Variants in ADAMTSL1 observed in about 807,000 individuals in gnomAD.
ADAMTSL1 encodes ADAMTS-like protein 1.
A neutral mutation model predicts 201.8 loss-of-function variants in ADAMTSL1; 126 were observed. The observed-to-expected ratio is 0.62, with a 90% CI of 0.54 to 0.72. ADAMTSL1 has a LOEUF of 0.72. Among genes scored for constraint, ADAMTSL1 ranks in the 30% least tolerant of loss-of-function variants. The probability of loss-of-function intolerance (pLI) is 0.00; values close to 1 mark genes in which losing one functional copy is unlikely to be tolerated. For synonymous variants in ADAMTSL1, 1,121 were observed against 903.4 expected, an observed-to-expected ratio of 1.24 and a Z score of -4.32; for missense variants, 2,679 against 2,277.8, an observed-to-expected ratio of 1.18 and a Z score of -3.59.
chr9:18,149,713 A>T (rs144405267), intron 1 of ADAMTSL1, among the ~76,000 whole-genome samples: 2,130 of 152,160 alleles, frequency 0.014, 49 homozygotes, highest in African/African-American at 0.049. Context: ...ACTGTTTTTT[A>T]GAAAGCTCAC....
intron 23 of ADAMTSL1, among the ~76,000 whole-genome samples, chr9:18,849,295 C>T (rs951668974): frequency 2.6e-5 from 4 of 152,160 alleles, no homozygotes; most frequent in Non-Finnish European, 5.9e-5. Context: ...GTCCCACATA[C>T]CTCCACCCTT....
chr9:18,684,967 A>C, intron 13 of ADAMTSL1, 167 bp downstream of exon 13: 3 of 1,387,744 alleles, frequency 2.2e-6, no homozygotes, highest in Non-Finnish European at 2.8e-6. Flanking sequence ...AGTGTTTGTC[A>C]AAGCTGATGA....
chr9:18,759,883 C>T (rs1181813818), intron 16 of ADAMTSL1, among the ~76,000 whole-genome samples: 1 of 152,188 alleles, frequency 6.6e-6, no homozygotes, highest in Non-Finnish European at 1.5e-5. Context: ...CTTCTGTTCT[C>T]ATTTTAATAA....
At chr9:17,944,197 G>T (rs58128138) in intron 1 of ADAMTSL1, among the ~76,000 whole-genome samples, 1,668 of 152,170 alleles carry the variant, frequency 0.011, 28 homozygotes, top group African/African-American at 0.039. Context: ...CAAATCATGA[G>T]TGAACTCCCG....
chr9:18,141,429 C>T (rs1826394681), intron 1 of ADAMTSL1, among the ~76,000 whole-genome samples: 1 of 152,090 alleles, frequency 6.6e-6, no homozygotes, highest in African/African-American at 2.4e-5. Context: ...TTCTAGAACA[C>T]AGAGTCACAG....
At chr9:18,430,525 A>G (rs1819441033) in intron 2 of ADAMTSL1, among the ~76,000 whole-genome samples, 1 of 152,186 alleles carries the variant, frequency 6.6e-6, no homozygotes, top group Admixed American at 6.5e-5. Context: ...GGTGTGTAGA[A>G]AACTAAAGCA....
chr9:18,399,422 C>T (rs1817895963), intron 2 of ADAMTSL1, among the ~76,000 whole-genome samples: 1 of 150,562 alleles, frequency 6.6e-6, no homozygotes, highest in African/African-American at 2.4e-5. Flanking sequence ...TCACTGCAAC[C>T]TCCGCCTCCC....
chr9:17,999,211 G>T (rs1819509637), intron 1 of ADAMTSL1, among the ~76,000 whole-genome samples: 1 of 152,008 alleles, frequency 6.6e-6, no homozygotes, highest in African/African-American at 2.4e-5. Flanking sequence ...TAAACTAGGA[G>T]AAACAATTCC....
At chr9:18,510,820 A>G (rs1293639278) in intron 2 of ADAMTSL1, among the ~76,000 whole-genome samples, 1 of 152,038 alleles carries the variant, frequency 6.6e-6, no homozygotes, top group African/African-American at 2.4e-5. Flanking sequence ...TTTTATTTCA[A>G]ATGAATTAAA....
At chr9:18,209,271 G>T (rs1829775463) in intron 2 of ADAMTSL1, among the ~76,000 whole-genome samples, 1 of 151,482 alleles carries the variant, frequency 6.6e-6, no homozygotes, top group African/African-American at 2.4e-5. Flanking sequence ...ATGGCTGAAA[G>T]AACCCATTTG....
intron 20 of ADAMTSL1, among the ~76,000 whole-genome samples, chr9:18,796,077 C>G (rs1822401246): frequency 6.6e-6 from 1 of 152,212 alleles, no homozygotes; most frequent in South Asian, 2.1e-4. Context: ...ACAATACATT[C>G]TGCACATGGT....
At chr9:18,650,496 G>C (rs1172888036) in intron 7 of ADAMTSL1, among the ~76,000 whole-genome samples, 1 of 152,020 alleles carries the variant, frequency 6.6e-6, no homozygotes, top group Non-Finnish European at 1.5e-5. Context: ...CTCACGGTGG[G>C]AGTTGTAGAC....
intron 2 of ADAMTSL1, among the ~76,000 whole-genome samples, chr9:18,372,842 A>G (rs780363407): frequency 2.0e-4 from 30 of 152,314 alleles, no homozygotes; most frequent in South Asian, 6.2e-4. Flanking sequence ...AAATCATAAT[A>G]AAATAATAAC....
At chr9:18,759,843 A>T (rs1301902150) in intron 16 of ADAMTSL1, among the ~76,000 whole-genome samples, 1 of 152,214 alleles carries the variant, frequency 6.6e-6, no homozygotes, top group Non-Finnish European at 1.5e-5. Flanking sequence ...GAACAAGGGA[A>T]TTCTAATCCC....
rs1318870424 is a variant in ADAMTSL1 at position 18,777,188 on chromosome 9, G to A, written c.2959G>A (p.Gly987Ser). ...AGAGGTGCTTGCGGGGAGGAAGGGC[G>A]GCCCGAAGGAGGCCCTGCAGACCCA... is the stretch of plus-strand genomic sequence containing the variant. ...EEEVLAGRKG[G>S]PKEALQTHKH... Residue 987 changes from glycine to serine, a missense_variant, in exon 19 of 29, where the codon GGC (glycine) becomes AGC (serine). Physicochemically the swap from Gly to Ser is moderately conservative, Grantham distance 56. Coordinates refer to ENST00000380548, the MANE Select transcript of ADAMTSL1 (RefSeq NM_001040272.6). 6 of 1,612,738 alleles carry A rather than the reference G, an allele frequency of 3.7e-6. No individual in the cohort carries two copies. Among genetic ancestry groups the A allele is most frequent in the Non-Finnish European group, 5.1e-6 (6 of 1,179,804 alleles).
intron 1 of ADAMTSL1, among the ~76,000 whole-genome samples, chr9:17,953,795 T>C (rs577996897): frequency 1.3e-5 from 2 of 152,310 alleles, no homozygotes; most frequent in Admixed American, 6.5e-5. Context: ...AGCTTAGTGG[T>C]TTAAACAGCT....
chr9:18,484,561 T>C (rs2131824274), intron 1 of ADAMTSL1, among the ~76,000 whole-genome samples: 1 of 152,314 alleles, frequency 6.6e-6, no homozygotes, highest in African/African-American at 2.4e-5. Context: ...AACACCTGTC[T>C]TTTCAATCTA....
At chr9:17,915,420 G>A (rs1374046775) in intron 1 of ADAMTSL1, among the ~76,000 whole-genome samples, 2 of 152,094 alleles carry the variant, frequency 1.3e-5, no homozygotes, top group African/African-American at 4.8e-5. Context: ...GAGTAGTATT[G>A]CATTGTATAG....
intron 4 of ADAMTSL1, among the ~76,000 whole-genome samples, chr9:18,593,028 G>A (rs1587662675): frequency 6.6e-6 from 1 of 151,964 alleles, no homozygotes; most frequent in South Asian, 2.1e-4. Flanking sequence ...GTTCATTTTT[G>A]GCATATAGAA....
Sources: gnomAD v4.1 joint callset for allele counts (sites outside exome capture counted in the v4.1 genomes callset) on GRCh38, gnomAD v4.1.1 for gene constraint, MANE v1.5 for transcripts, NCBI Gene and HGNC (gene_info 2026-07-23, HGNC 2026-07-21) for gene names.